The following PYGB variants were observed in gnomAD, a reference collection of about 807,000 sequenced individuals.
The protein encoded by PYGB is glycogen phosphorylase, brain form.
Under a neutral mutation model 94.3 loss-of-function variants are expected in PYGB, and 82 were observed. The ratio of observed to expected loss-of-function variants is 0.87; its 90% CI spans 0.73 to 1.04. The LOEUF is 1.04. Among genes scored for constraint, PYGB ranks in the 50% least tolerant of loss-of-function variants. The pLI is 0.00. For synonymous variants in PYGB, 488 were observed against 479.1 expected, an observed-to-expected ratio of 1.02 and a Z score of -0.24; for missense variants, 1,132 against 1,158.2, an observed-to-expected ratio of 0.98 and a Z score of 0.33.
At chr20:25,284,401 C>A in intron 14 of PYGB, 150 bp downstream of exon 14, 1 of 1,143,596 alleles carries the variant, frequency 8.7e-7, no homozygotes, top group Non-Finnish European at 1.2e-6. Context: ...TTATTTTAAG[C>A]AAAAGCCATG....
chr20:25,288,153 G>C, intron 14 of PYGB: 1 of 594,038 alleles, frequency 1.7e-6, no homozygotes, highest in South Asian at 1.7e-5. Flanking sequence ...TGCTGGGTTC[G>C]TCCATGGTCC....
intron 7 of PYGB, 34 bp from the exon 8 acceptor site, chr20:25,278,285 G>A: frequency 6.2e-7 from 1 of 1,606,998 alleles, no homozygotes; most frequent in South Asian, 1.1e-5. Flanking sequence ...GAATGGCCCA[G>A]CCTGCACCCT....
intron 1 of PYGB, among the ~76,000 whole-genome samples, chr20:25,256,204 A>G (rs1358106234): frequency 6.6e-6 from 1 of 152,222 alleles, no homozygotes; most frequent in East Asian, 1.9e-4. Context: ...TGTAAAGAAC[A>G]AAATGAGGCT....
rs375148659 is a variant in PYGB, at chr20:25,282,197, C to T, written c.1518+50C>T. The T allele has an allele frequency of 1.5e-5, 22 of 1,456,610 alleles. No homozygotes were observed. The East Asian group carries it at 1.6e-4, about 11-fold the overall frequency. 90.2% of individuals were successfully genotyped at this position (1,456,610 alleles called of 1,614,324 possible). The stretch of plus-strand genomic sequence containing the variant: ...CTGTGGAGATGCCTGGGCTGAGAAC[C>T]GCGGGCCATGTCATCAGCCCCTGCT... On this transcript the variant is annotated intron_variant, in intron 12 of 19. Transcript: ENST00000216962.
In PYGB at chr20:25,284,261, G is replaced by A. The variant is rs199608443; in HGVS notation, c.1768+10G>A. 5.5e-5 allele frequency: 88 copies of A among 1,611,194 alleles called. No homozygotes were observed. The highest frequency in any genetic ancestry group is 6.4e-5 in the Non-Finnish European group (76 of 1,178,476). On this transcript the variant is annotated intron_variant, in intron 14 of 19. Transcript: ENST00000216962. ...GTCACCCTGTACAATCGTGAGTGCCGGCATCACCTGCATGACCGCGCTGTG... is the reference window on the plus strand; with the variant it reads ...GTCACCCTGTACAATCGTGAGTGCCAGCATCACCTGCATGACCGCGCTGTG...
At chr20:25,264,518 A>T (rs956201985) in intron 2 of PYGB, among the ~76,000 whole-genome samples, 2 of 152,238 alleles carry the variant, frequency 1.3e-5, no homozygotes, top group African/African-American at 4.8e-5. Context: ...TTGTATATTT[A>T]GAAAACCCCA....
Position 25,248,279 on chromosome 20 carries a change from G to A in PYGB, c.101G>A (p.Arg34Gln), listed in dbSNP as rs1171350557. The change falls in exon 1 of 20, where the codon CGG becomes CAG. Residue 34 changes from arginine to glutamine, a missense_variant. By Grantham distance (43) the Arg-to-Gln change is conservative. Transcript: ENST00000216962. ...GCCGAGGTGCGGAAGAGCTTCAACC[G>A]GCACTTGCACTTCACGCTGGTCAAG... ...DVAEVRKSFN[R>Q]HLHFTLVKDR... The A allele has an allele frequency of 1.2e-6, 2 of 1,602,900 alleles. No individual in the cohort carries two copies. The highest frequency in any genetic ancestry group is 1.7e-6 in the Non-Finnish European group (2 of 1,175,294).
rs112299527 is a variant in PYGB at position 25,290,623 on chromosome 20, G to C, written c.1969+1G>C. The C allele has an allele frequency of 6.3e-7, 1 of 1,595,424 alleles. No homozygotes were observed. The highest frequency in any genetic ancestry group is 1.7e-5 in the Admixed American group (1 of 59,750). Reference sequence around the variant, plus strand: ...TACCGTGTGTCCTTGGCTGAGAAAGGTAACCCTGGAAGCCTGTGTTGGACA... The same window carrying C: ...TACCGTGTGTCCTTGGCTGAGAAAGCTAACCCTGGAAGCCTGTGTTGGACA... On this transcript the variant is annotated splice_donor_variant, in intron 16 of 19. Transcript: ENST00000216962. LOFTEE classifies it high-confidence loss of function.
chr20:25,294,984 C>T, intron 18 of PYGB: 1 of 1,614,222 alleles, frequency 6.2e-7, no homozygotes, highest in East Asian at 2.2e-5. Context: ...CACACCAGCT[C>T]TGACCACATG....
In PYGB at chr20:25,279,115, T is replaced by TC; in HGVS notation, c.1060dup (p.Leu354ProfsTer30). 1 of 1,613,882 alleles carries TC rather than the reference T, an allele frequency of 6.2e-7. No homozygotes were observed. Among genetic ancestry groups the TC allele is most frequent in the Non-Finnish European group, 8.5e-7 (1 of 1,179,880 alleles). ...CTCTCCATCCCTGAGCTCATGCGGA[T>TC]CCTGGTGGACGTGGAGAAGGTGGAC... is the stretch of plus-strand genomic sequence containing the variant. On this transcript the variant is annotated frameshift_variant, in exon 9 of 20. Coordinates refer to ENST00000216962, the MANE Select transcript of PYGB (RefSeq NM_002862.4). LOFTEE classifies it high-confidence loss of function.
intron 1 of PYGB, among the ~76,000 whole-genome samples, chr20:25,254,541 G>C (rs985663351): frequency 6.6e-6 from 1 of 152,204 alleles, no homozygotes; most frequent in Non-Finnish European, 1.5e-5. Context: ...AGTAAGAGAA[G>C]TTCGGTTAAC....
Position 25,296,660 on chromosome 20 carries a change from G to A in PYGB, c.*138G>A, listed in dbSNP as rs954409645. ...CATGTTTCCAGGAGGGGCCATGGGG[G>A]TCAGGGTGGTTTTGAGAGAGCAGGG... is the stretch of plus-strand genomic sequence containing the variant. On this transcript the variant is annotated 3_prime_UTR_variant, in exon 20 of 20. Coordinates refer to ENST00000216962, the MANE Select transcript of PYGB (RefSeq NM_002862.4). The A allele has an allele frequency of 5.9e-6, 7 of 1,191,382 alleles. No homozygotes were observed. The highest frequency in any genetic ancestry group is 5.1e-5 in the East Asian group (2 of 39,264). The allele number at this position is 1,191,382 out of a possible 1,614,324, so 73.8% of individuals were successfully genotyped here.
At chr20:25,267,464 T>C (rs1330720174) in intron 2 of PYGB, among the ~76,000 whole-genome samples, 1 of 152,236 alleles carries the variant, frequency 6.6e-6, no homozygotes, top group Non-Finnish European at 1.5e-5. Context: ...ACTGCAGTGC[T>C]CTTTTTCTGT....
At chr20:25,259,373 C>T in intron 2 of PYGB, 35 bp downstream of exon 2, 4 of 1,502,234 alleles carry the variant, frequency 2.7e-6, no homozygotes, top group Middle Eastern at 1.9e-4. Flanking sequence ...CTGGGTGGCC[C>T]CTCGTGGTGC....
chr20:25,295,518 G>C, intron 18 of PYGB, 86 bp from the exon 19 acceptor site: 1 of 1,453,596 alleles, frequency 6.9e-7, no homozygotes, highest in Non-Finnish European at 9.6e-7. Context: ...GATGGTGCCT[G>C]GCCTCCTGCC....
At chr20:25,292,210 G>T (rs6107023) in intron 16 of PYGB, among the ~76,000 whole-genome samples, 196 bp from the exon 17 acceptor site, 14,433 of 152,272 alleles carry the variant, frequency 0.095, 743 homozygotes, top group Non-Finnish European at 0.11. Context: ...TCACGAAGGG[G>T]AGCCCTGCAG....
At chr20:25,292,639 T>C in intron 17 of PYGB, 26 bp downstream of exon 17, 1 of 1,603,266 alleles carries the variant, frequency 6.2e-7, no homozygotes, top group Non-Finnish European at 8.5e-7. Context: ...CCTGGGCACC[T>C]GGCACCGTGA....
chr20:25,260,078 C>T (rs568931752), intron 2 of PYGB, among the ~76,000 whole-genome samples: 12 of 152,208 alleles, frequency 7.9e-5, no homozygotes, highest in East Asian at 3.9e-4. Context: ...GGCTGGGAGG[C>T]GGCTCAACAT....
chr20:25,261,603 G>A (rs1347377253), intron 2 of PYGB, among the ~76,000 whole-genome samples: 1 of 152,186 alleles, frequency 6.6e-6, no homozygotes, highest in African/African-American at 2.4e-5. Context: ...GCAGCTCCTC[G>A]CCAGCAATAG....
Sources: allele counts gnomAD v4.1 joint callset (sites outside exome capture counted in the v4.1 genomes callset), GRCh38; gene constraint gnomAD v4.1.1; transcripts MANE v1.5; gene names NCBI Gene and HGNC (gene_info 2026-07-23, HGNC 2026-07-21).